RHNO1: variants seen among roughly 807,000 people sequenced by gnomAD.
The protein encoded by RHNO1 is RAD9-HUS1-RAD1 interacting nuclear orphan 1.
Under a neutral mutation model 7.2 loss-of-function variants are expected in RHNO1, and 9 were observed. The ratio of observed to expected loss-of-function variants is 1.25; its 90% CI spans 0.75 to 2.18. The LOEUF (loss-of-function observed/expected upper bound fraction) is 2.18, where lower values mean the gene tolerates loss of function less well. Among genes scored for constraint, RHNO1 ranks in the 30% most tolerant of loss-of-function variants. The probability of loss-of-function intolerance (pLI) is 0.00; values close to 1 mark genes in which losing one functional copy is unlikely to be tolerated. For synonymous variants in RHNO1, 95 were observed against 107.5 expected, an observed-to-expected ratio of 0.88 and a Z score of 0.72; for missense variants, 292 against 284.5, an observed-to-expected ratio of 1.03 and a Z score of -0.19.
rs769790532 is a variant in RHNO1 at position 2,888,486 on chromosome 12, G to C, written c.*27G>C. 1.3e-6 allele frequency: 2 copies of C among 1,514,024 alleles called. No homozygotes were observed. The highest frequency in any genetic ancestry group is 1.4e-5 in the African/African-American group (1 of 71,600). The allele number at this position is 1,514,024 out of a possible 1,614,324, so 93.8% of individuals were successfully genotyped here. On this transcript the variant is annotated 3_prime_UTR_variant, in exon 3 of 3. Coordinates refer to ENST00000489288, the MANE Select transcript of RHNO1 (RefSeq NM_001252499.3). ...TGCCATCAGTAATCTCAATAGAAAA[G>C]AGATATGTTTTCTGGAGTCATAAAG...
rs11441422 is a variant in RHNO1, at chr12:2,886,655, CAAA to C, written c.168+1141_168+1143del. 9.8e-3 allele frequency among the ~76,000 whole-genome samples: 939 copies of C among 95,366 alleles called. 4 individuals are homozygous for C. Among genetic ancestry groups the C allele is most frequent in the African/African-American group, 0.023 (584 of 25,602 alleles). 62.6% of individuals were successfully genotyped at this position (95,366 alleles called of 152,430 possible). ...TGGGCAACAGTGTGAGACCCTGTCT[CAAA>C]AAAAAAAAAAAAAAAAAAATAGAAA... On this transcript the variant is annotated intron_variant, in intron 2 of 2. Transcript: ENST00000489288.
chr12:2,886,018 G>A (rs562966739), intron 2 of RHNO1: 2 of 152,788 alleles, frequency 1.3e-5, no homozygotes, highest in Non-Finnish European at 2.9e-5. Flanking sequence ...ATTCATGGGG[G>A]CGGGGGCAAG....
In RHNO1 at chr12:2,888,536, T is replaced by G; in HGVS notation, c.*77T>G. 7.4e-7 allele frequency: 1 copy of G among 1,357,538 alleles called. No individual in the cohort carries two copies. Among genetic ancestry groups the G allele is most frequent in the Non-Finnish European group, 9.8e-7 (1 of 1,019,408 alleles). 84.1% of individuals were successfully genotyped at this position (1,357,538 alleles called of 1,614,324 possible). A position where few individuals can be genotyped will look rare whatever the true frequency, so the allele number is the denominator to read the frequency against. Reference sequence around the variant, plus strand: ...GGAATTCAATTCCTAGGGTTTTTGTTTTTGTTTTTGAGATGTAATATTGCT... The same window carrying G: ...GGAATTCAATTCCTAGGGTTTTTGTGTTTGTTTTTGAGATGTAATATTGCT... On this transcript the variant is annotated 3_prime_UTR_variant, in exon 3 of 3. Coordinates refer to ENST00000489288, the MANE Select transcript of RHNO1 (RefSeq NM_001252499.3).
At chr12:2,886,963 C>T (rs546174732) in intron 2 of RHNO1, 2 of 455,906 alleles carry the variant, frequency 4.4e-6, no homozygotes, top group Middle Eastern at 3.3e-4. Context: ...TAACTGAGGG[C>T]CTTCTTTGTT....
intron 1 of RHNO1, among the ~76,000 whole-genome samples, chr12:2,879,372 A>C (rs2098154393): frequency 6.8e-6 from 1 of 146,018 alleles, no homozygotes; most frequent in African/African-American, 2.6e-5. Context: ...TGGCTCTGTC[A>C]CTCAGGCTGG....
intron 2 of RHNO1, chr12:2,886,324 A>C (rs1280682955): frequency 2.7e-4 from 41 of 152,200 alleles, no homozygotes; most frequent in Admixed American, 2.7e-3. Context: ...CCCCATAAGA[A>C]TAGCATATGT....
intron 1 of RHNO1, among the ~76,000 whole-genome samples, chr12:2,883,509 ATATTTTTTT>A (rs1265054575): frequency 2.9e-4 from 7 of 24,230 alleles, no homozygotes; most frequent in South Asian, 3.8e-3. Flanking sequence ...ATATATATAT[ATATTTTTTT>A]TTTTTTTTTT....
chr12:2,884,254 G>A (rs1738091827), intron 1 of RHNO1, among the ~76,000 whole-genome samples: 1 of 151,702 alleles, frequency 6.6e-6, no homozygotes, highest in Non-Finnish European at 1.5e-5. Context: ...GTTTGTTTGA[G>A]ACAGAGTCTA....
rs929797911 is a variant in RHNO1 at position 2,888,653 on chromosome 12, C to T, written c.*194C>T. On this transcript the variant is annotated 3_prime_UTR_variant, in exon 3 of 3. Coordinates refer to ENST00000489288, the MANE Select transcript of RHNO1 (RefSeq NM_001252499.3). ...AGCGATTCTCCTGCCTCAGCCTCCC[C>T]AGTAGCTGGGATTACAGGCACCAGC... is the stretch of plus-strand genomic sequence containing the variant. 1 of 440,012 alleles carries T rather than the reference C, an allele frequency of 2.3e-6. No individual in the cohort carries two copies. The highest frequency in any genetic ancestry group is 2.0e-5 in the African/African-American group (1 of 50,430). The allele number at this position is 440,012 out of a possible 1,614,324, so 27.3% of individuals were successfully genotyped here. A position where few individuals can be genotyped will look rare whatever the true frequency, so the allele number is the denominator to read the frequency against.
At chr12:2,879,456 C>G (rs1195597573) in intron 1 of RHNO1, among the ~76,000 whole-genome samples, 1 of 151,884 alleles carries the variant, frequency 6.6e-6, no homozygotes, top group South Asian at 2.1e-4. Flanking sequence ...CCTCAGCCTC[C>G]TGAGTAGCTG....
At chr12:2,887,787 G>GTTATT in intron 2 of RHNO1, 124 bp from the exon 3 acceptor site, 3 of 726,710 alleles carry the variant, frequency 4.1e-6, no homozygotes, top group Non-Finnish European at 6.5e-6. Context: ...CCATTAGACA[G>GTTATT]TTATTTTAGT....
At chr12:2,883,478 T>G (rs768194103) in intron 1 of RHNO1, among the ~76,000 whole-genome samples, 1 of 32,914 alleles carries the variant, frequency 3.0e-5, no homozygotes, top group African/African-American at 7.9e-5. Context: ...AAGGATAGAA[T>G]ATATATATAT....
rs560483314 is a variant in RHNO1, at chr12:2,879,210, C to G, written c.-85+1928C>G. 4.2e-4 allele frequency among the ~76,000 whole-genome samples: 64 copies of G among 151,976 alleles called. 1 individual carries two copies. Among genetic ancestry groups the G allele is most frequent in the African/African-American group, 1.4e-3 (58 of 41,364 alleles). On this transcript the variant is annotated intron_variant, in intron 1 of 2. Coordinates refer to ENST00000489288, the MANE Select transcript of RHNO1 (RefSeq NM_001252499.3). The stretch of plus-strand genomic sequence containing the variant: ...GTAGAGACAGGGTCTCACTCTGTTG[C>G]CCAGATTGATCTTGAACTATTCGGT...
At chr12:2,876,736 G>C (rs2098144930), upstream of RHNO1, among the ~76,000 whole-genome samples, 1 of 152,216 alleles carries the variant, frequency 6.6e-6, no homozygotes, top group Non-Finnish European at 1.5e-5. Flanking sequence ...GCAGTGAGAA[G>C]GCCACGGCCA....
chr12:2,876,901 A>C (rs1188033171), upstream of RHNO1: 2 of 152,312 alleles, frequency 1.3e-5, no homozygotes, highest in Non-Finnish European at 2.9e-5. Context: ...CTGGGACTCC[A>C]TTGCTGCATC....
chr12:2,883,507 ATATATTTTT>A (rs1210217708), intron 1 of RHNO1, among the ~76,000 whole-genome samples: 29 of 26,196 alleles, frequency 1.1e-3, no homozygotes, highest in African/African-American at 2.1e-3. Context: ...ATATATATAT[ATATATTTTT>A]TTTTTTTTTT....
Position 2,885,284 on chromosome 12 carries a change from C to A in RHNO1, c.-83C>A. 2 of 1,198,372 alleles carry A rather than the reference C, an allele frequency of 1.7e-6. No individual in the cohort carries two copies. Among genetic ancestry groups the A allele is most frequent in the Non-Finnish European group, 2.4e-6 (2 of 843,040 alleles). The allele number at this position is 1,198,372 out of a possible 1,614,324, so 74.2% of individuals were successfully genotyped here. A position where few individuals can be genotyped will look rare whatever the true frequency, so the allele number is the denominator to read the frequency against. ...CCAGCTTTTGTTTCTTCTCTACAGG[C>A]ATGGGTTGGAATTGGAGCCTATCCC... On this transcript the variant is annotated splice_region_variant and 5_prime_UTR_variant, in exon 2 of 3. Coordinates refer to ENST00000489288, the MANE Select transcript of RHNO1 (RefSeq NM_001252499.3).
intron 1 of RHNO1, among the ~76,000 whole-genome samples, chr12:2,883,591 C>T (rs2098161823): frequency 7.0e-6 from 1 of 143,460 alleles, no homozygotes; most frequent in African/African-American, 2.6e-5. Context: ...GATCTCTGCT[C>T]ACCGCAACCT....
chr12:2,885,446 A>C lies in RHNO1; in HGVS notation c.80A>C (p.Lys27Thr), dbSNP rs142328102. 2.5e-6 allele frequency: 4 copies of C among 1,613,554 alleles called. No individual in the cohort carries two copies. Among genetic ancestry groups the C allele is most frequent in the Admixed American group, 3.3e-5 (2 of 59,930 alleles). The change falls in exon 2 of 3, where the codon AAA (lysine) becomes ACA (threonine). Residue 27 changes from lysine (K) to threonine (T), a missense_variant. By Grantham distance (78) the Lys-to-Thr change is moderately conservative (BLOSUM62 -1). Transcript: ENST00000489288. ...CACCAACAACCACTGGAGGGCCCCA[A>C]ACACAGCTGTGCATCTACACAGCTT... ...LFHQQPLEGP[K>T]HSCASTQLPI...
Sources: gnomAD v4.1 joint callset for allele counts (sites outside exome capture counted in the v4.1 genomes callset) on GRCh38, gnomAD v4.1.1 for gene constraint, MANE v1.5 for transcripts, NCBI Gene and HGNC (gene_info 2026-07-23, HGNC 2026-07-21) for gene names.